Variants in RARB observed in about 807,000 individuals in gnomAD.
The protein encoded by RARB is retinoic acid receptor beta.
Under a neutral mutation model 51.9 loss-of-function variants are expected in RARB, and 17 were observed. The observed-to-expected ratio is 0.33, with a 90% CI of 0.22 to 0.49. The LOEUF (loss-of-function observed/expected upper bound fraction) is 0.49, where lower values mean the gene tolerates loss of function less well. Among genes scored for constraint, RARB ranks in the 20% least tolerant of loss-of-function variants. The pLI, the probability that RARB is intolerant of heterozygous loss-of-function variation, is 0.99. For synonymous variants in RARB, 215 were observed against 195.4 expected (o/e 1.10, Z -0.84); for missense variants, 369 against 550.8 (o/e 0.67, Z 3.30).
intron 3 of RARB, among the ~76,000 whole-genome samples, chr3:25,079,179 T>C (rs1698938545): frequency 6.6e-6 from 1 of 152,188 alleles, no homozygotes; most frequent in African/African-American, 2.4e-5. Flanking sequence ...TCTTAATTTC[T>C]AATTATTTCT....
At chr3:25,008,367 T>A (rs926710567) in intron 2 of RARB, among the ~76,000 whole-genome samples, 1 of 152,146 alleles carries the variant, frequency 6.6e-6, no homozygotes, top group Admixed American at 6.6e-5. Context: ...TGAATCACCA[T>A]AAATTTATTT....
At chr3:25,590,609 C>G (rs961664115) in intron 5 of RARB, among the ~76,000 whole-genome samples, 19 of 152,274 alleles carry the variant, frequency 1.2e-4, no homozygotes, top group African/African-American at 3.8e-4. Flanking sequence ...CAACCTCCCC[C>G]TCCCAGTTCA....
chr3:25,404,721 A>G (rs939324945), intron 5 of RARB, among the ~76,000 whole-genome samples: 2 of 152,170 alleles, frequency 1.3e-5, no homozygotes, highest in African/African-American at 4.8e-5. Flanking sequence ...GTTGCCCACA[A>G]AGAGAAAAGC....
chr3:25,361,853 G>A lies in RARB; in HGVS notation c.179-99340G>A, dbSNP rs59131954. On this transcript the variant is annotated intron_variant, in intron 5 of 11. Transcript: ENST00000383772. The stretch of plus-strand genomic sequence containing the variant: ...TTGCTGCTTTCTCCTTCCTCTGGAA[G>A]CCTCGTCCCAGAGGGGCACCAGCCA... Among the ~76,000 whole-genome samples the A allele has an allele frequency of 5.3e-3, 810 of 152,306 alleles. 11 individuals are homozygous for A. Among genetic ancestry groups the A allele is most frequent in the African/African-American group, 0.018 (765 of 41,572 alleles).
chr3:25,560,344 T>G (rs1290443), intron 3 of RARB, among the ~76,000 whole-genome samples: 2 of 152,036 alleles, frequency 1.3e-5, no homozygotes, highest in African/African-American at 4.8e-5. Context: ...ATTTCTAAAA[T>G]TGACAACATG....
chr3:25,561,115 C>T (rs939823874), intron 3 of RARB, among the ~76,000 whole-genome samples: 7 of 152,152 alleles, frequency 4.6e-5, no homozygotes, highest in African/African-American at 1.7e-4. Flanking sequence ...AGCTAAAATG[C>T]AGGCCTTTGA....
At chr3:24,902,660 T>G (rs1703633326) in intron 2 of RARB, among the ~76,000 whole-genome samples, 1 of 151,980 alleles carries the variant, frequency 6.6e-6, no homozygotes, top group Non-Finnish European at 1.5e-5. Context: ...CTCTGGTCTC[T>G]GTCTCTCTTT....
intron 5 of RARB, among the ~76,000 whole-genome samples, chr3:25,195,369 A>G (rs543009461): frequency 6.6e-6 from 1 of 152,048 alleles, no homozygotes; most frequent in East Asian, 1.9e-4. Flanking sequence ...GGCTAAGAGA[A>G]TAGATATTTG....
chr3:25,330,065 A>G (rs911654907), intron 5 of RARB, among the ~76,000 whole-genome samples: 1 of 152,232 alleles, frequency 6.6e-6, no homozygotes, highest in African/African-American at 2.4e-5. Flanking sequence ...TGACGGGGAC[A>G]ATGGAACCAA....
intron 5 of RARB, among the ~76,000 whole-genome samples, chr3:25,286,168 A>C (rs760560581): frequency 9.1e-5 from 12 of 131,180 alleles, no homozygotes; most frequent in Admixed American, 3.5e-4. Flanking sequence ...AGCTCACTGC[A>C]AGCTCCATCT....
chr3:25,259,606 G>C (rs1432746787), intron 5 of RARB, among the ~76,000 whole-genome samples: 1 of 152,132 alleles, frequency 6.6e-6, no homozygotes, highest in Non-Finnish European at 1.5e-5. Context: ...TGAGCAAAAA[G>C]TAAACTTCCA....
Position 25,204,243 on chromosome 3 carries a change from A to C in RARB, c.178+29668A>C, listed in dbSNP as rs140444025. ...ATCAGCTACTGAAGCTTGTGCATTCATGTAGTTCTCGTGCCACGGTTTTCA... is the reference window on the plus strand; with the variant it reads ...ATCAGCTACTGAAGCTTGTGCATTCCTGTAGTTCTCGTGCCACGGTTTTCA... On this transcript the variant is annotated intron_variant, in intron 5 of 11. Coordinates refer to the RARB transcript ENST00000383772. 2.7e-3 allele frequency among the ~76,000 whole-genome samples: 406 copies of C among 151,984 alleles called. 2 individuals carry two copies. The highest frequency in any genetic ancestry group is 9.4e-3 in the African/African-American group (390 of 41,492).
intron 2 of RARB, among the ~76,000 whole-genome samples, chr3:24,914,350 G>GGT (rs1695062513): frequency 6.6e-6 from 1 of 152,160 alleles, no homozygotes; most frequent in Non-Finnish European, 1.5e-5. Flanking sequence ...AGCTTTTAAA[G>GGT]GTGGGGATTG....
At chr3:25,313,083 A>G (rs1254602988) in intron 5 of RARB, among the ~76,000 whole-genome samples, 25 of 152,106 alleles carry the variant, frequency 1.6e-4, no homozygotes, top group Non-Finnish European at 3.4e-4. Context: ...TTCTATTTCC[A>G]TTCTGTAAAA....
At chr3:25,155,380 G>T (rs1395149696) in intron 4 of RARB, among the ~76,000 whole-genome samples, 1 of 152,152 alleles carries the variant, frequency 6.6e-6, no homozygotes, top group East Asian at 1.9e-4. Flanking sequence ...GGCAGGGATT[G>T]TTCCTCCCTT....
At chr3:25,350,268 A>C (rs1424237562) in intron 5 of RARB, among the ~76,000 whole-genome samples, 2 of 152,146 alleles carry the variant, frequency 1.3e-5, no homozygotes, top group Admixed American at 1.3e-4. Context: ...CGCCTACTGA[A>C]GTCATGATGA....
At position 25,501,339 on chromosome 3, in the gene RARB, A is replaced by G. The variant is rs1317682311; in HGVS notation, c.448+16A>G. 5 of 1,606,330 alleles carry G rather than the reference A, an allele frequency of 3.1e-6. No individual in the cohort carries two copies. Among genetic ancestry groups the G allele is most frequent in the South Asian group, 1.1e-5 (1 of 89,112 alleles). On this transcript the variant is annotated intron_variant, in intron 3 of 7. Transcript: ENST00000330688. ...TCCAAAGAATGTAAGTGGAGTCTCA[A>G]AAAACTTTTTCCCTGTTTTCCTTAT...
chr3:25,088,026 A>T (rs1699132543), intron 3 of RARB, among the ~76,000 whole-genome samples: 1 of 151,976 alleles, frequency 6.6e-6, no homozygotes, highest in Non-Finnish European at 1.5e-5. Flanking sequence ...GTTCACAAGA[A>T]GGTTGTAAAG....
At chr3:24,905,396 T>A (rs1694839765) in intron 2 of RARB, among the ~76,000 whole-genome samples, 1 of 152,220 alleles carries the variant, frequency 6.6e-6, no homozygotes, top group Non-Finnish European at 1.5e-5. Context: ...TCTGCTTACT[T>A]GACACATCTG....
Sources: allele counts gnomAD v4.1 joint callset (sites outside exome capture counted in the v4.1 genomes callset), GRCh38; gene constraint gnomAD v4.1.1; transcripts MANE v1.5; gene names NCBI Gene and HGNC (gene_info 2026-07-23, HGNC 2026-07-21).